TENM2: variants seen among roughly 807,000 people sequenced by gnomAD.
TENM2 encodes the protein teneurin-2.
Under a neutral mutation model 245.2 loss-of-function variants are expected in TENM2, and 52 were observed. The ratio of observed to expected loss-of-function variants is 0.21; its 90% CI spans 0.17 to 0.27. The LOEUF (loss-of-function observed/expected upper bound fraction) is 0.27, where lower values mean the gene tolerates loss of function less well. Among genes scored for constraint, TENM2 ranks in the 10% least tolerant of loss-of-function variants. TENM2 has a pLI of 1.00. For synonymous variants in TENM2, 1,363 were observed against 1,438.9 expected, an observed-to-expected ratio of 0.95 and a Z score of 1.19; for missense variants, 3,046 against 3,666.8, an observed-to-expected ratio of 0.83 and a Z score of 4.37.
At chr5:167,063,142 T>C in the TENM2 span, among the ~76,000 whole-genome samples, 1 of 152,130 alleles carries the variant, frequency 6.6e-6, no homozygotes, top group Admixed American at 6.6e-5. Context: ...AGTATAAGAA[T>C]GTCTTTTGCC....
At chr5:167,567,603 G>T (rs997452779) in intron 2 of TENM2, among the ~76,000 whole-genome samples, 1 of 152,130 alleles carries the variant, frequency 6.6e-6, no homozygotes, top group Admixed American at 6.5e-5. Flanking sequence ...GAGGGCAGTT[G>T]TTAATTCTTC....
At chr5:167,043,977 G>T in the TENM2 span, among the ~76,000 whole-genome samples, 7 of 150,886 alleles carry the variant, frequency 4.6e-5, no homozygotes, top group Non-Finnish European at 1.0e-4. Flanking sequence ...CCGAGATCGC[G>T]CCACTGCACT....
At chr5:167,290,003 G>A (rs532976440) in intron 1 of TENM2, among the ~76,000 whole-genome samples, 2 of 152,286 alleles carry the variant, frequency 1.3e-5, no homozygotes, top group South Asian at 4.1e-4. Context: ...ACCTTGAGAA[G>A]ATTGCTTTCC....
At chr5:167,396,252 T>C (rs1164263986) in intron 2 of TENM2, among the ~76,000 whole-genome samples, 1 of 152,068 alleles carries the variant, frequency 6.6e-6, no homozygotes, top group Non-Finnish European at 1.5e-5. Flanking sequence ...ATGTGGTGTA[T>C]ACATACAATA....
chr5:167,133,027 A>T, the TENM2 span, among the ~76,000 whole-genome samples: 4 of 152,328 alleles, frequency 2.6e-5, no homozygotes, highest in South Asian at 8.3e-4. Flanking sequence ...GAAGACAGAG[A>T]TAGTAAATCA....
intron 4 of TENM2, among the ~76,000 whole-genome samples, chr5:167,986,177 C>T (rs1783233374): frequency 6.6e-6 from 1 of 152,188 alleles, no homozygotes; most frequent in Non-Finnish European, 1.5e-5. Context: ...AAATCCATGT[C>T]TTTGCTGTCA....
At chr5:167,469,033 A>G (rs943437528) in intron 2 of TENM2, among the ~76,000 whole-genome samples, 4 of 152,154 alleles carry the variant, frequency 2.6e-5, no homozygotes, top group African/African-American at 9.7e-5. Context: ...CCTATATTTA[A>G]AAGAAGTACC....
chr5:168,017,524 G>T (rs554697895), intron 5 of TENM2, among the ~76,000 whole-genome samples: 1 of 152,290 alleles, frequency 6.6e-6, no homozygotes, highest in African/African-American at 2.4e-5. Flanking sequence ...TCCCCACTCT[G>T]GGTGTGGCTG....
intron 12 of TENM2, among the ~76,000 whole-genome samples, chr5:168,151,069 C>T (rs1000840155): frequency 6.6e-6 from 1 of 152,158 alleles, no homozygotes; most frequent in Non-Finnish European, 1.5e-5. Flanking sequence ...CTTGCTCCAC[C>T]ACCTCCCTCT....
At chr5:167,695,243 T>A (rs1757685017) in intron 2 of TENM2, among the ~76,000 whole-genome samples, 1 of 152,206 alleles carries the variant, frequency 6.6e-6, no homozygotes, top group Non-Finnish European at 1.5e-5. Context: ...GTAAGTATCT[T>A]AGGCTTTGCA....
At chr5:167,184,558 T>C in the TENM2 span, among the ~76,000 whole-genome samples, 3 of 152,192 alleles carry the variant, frequency 2.0e-5, no homozygotes, top group Admixed American at 2.0e-4. Context: ...CAGGATCACT[T>C]TGCGAGTGTT....
intron 19 of TENM2, among the ~76,000 whole-genome samples, chr5:168,210,612 CTTT>C (rs34472788): frequency 4.2e-5 from 6 of 143,174 alleles, no homozygotes; most frequent in East Asian, 4.0e-4. Flanking sequence ...ATTTAATTAA[CTTT>C]TTTTTTTTTT....
chr5:167,214,492 A>G, the TENM2 span, among the ~76,000 whole-genome samples: 9 of 151,362 alleles, frequency 5.9e-5, no homozygotes, highest in Non-Finnish European at 1.3e-4. Flanking sequence ...AAAATATAAG[A>G]CTCTCCCCTT....
At chr5:168,157,102 A>T (rs1455096105) in intron 12 of TENM2, among the ~76,000 whole-genome samples, 1 of 152,194 alleles carries the variant, frequency 6.6e-6, no homozygotes, top group Non-Finnish European at 1.5e-5. Context: ...TACCACATAA[A>T]GGAAAGGATA....
intron 2 of TENM2, among the ~76,000 whole-genome samples, chr5:167,480,515 G>C (rs1319181530): frequency 6.6e-6 from 1 of 152,092 alleles, no homozygotes; most frequent in Non-Finnish European, 1.5e-5. Context: ...TGTTTTCCTG[G>C]AACAACTTCT....
chr5:167,819,272 G>A (rs924790871), intron 2 of TENM2, among the ~76,000 whole-genome samples: 4 of 152,110 alleles, frequency 2.6e-5, no homozygotes, highest in Admixed American at 1.3e-4. Context: ...CTCAGACAGC[G>A]CTTTTCCTCC....
intron 2 of TENM2, among the ~76,000 whole-genome samples, chr5:167,688,730 A>G (rs972416490): frequency 6.6e-6 from 1 of 152,228 alleles, no homozygotes; most frequent in Non-Finnish European, 1.5e-5. Context: ...CCTTAAAGAA[A>G]TGGATTTGAT....
chr5:167,626,359 G>A (rs1778499178), intron 2 of TENM2, among the ~76,000 whole-genome samples: 1 of 151,908 alleles, frequency 6.6e-6, no homozygotes, highest in Admixed American at 6.6e-5. Flanking sequence ...TTCTGTCCTA[G>A]CTTCCCAAAT....
chr5:167,843,262 T>G (rs934426389), intron 2 of TENM2, among the ~76,000 whole-genome samples: 13 of 150,700 alleles, frequency 8.6e-5, no homozygotes, highest in African/African-American at 2.7e-4. Context: ...CATAAGAAGA[T>G]AGGGATCATG....
Sources: gnomAD v4.1 joint callset for allele counts (sites outside exome capture counted in the v4.1 genomes callset) on GRCh38, gnomAD v4.1.1 for gene constraint, MANE v1.5 for transcripts, NCBI Gene and HGNC (gene_info 2026-07-23, HGNC 2026-07-21) for gene names.